CDH13: variants seen among roughly 807,000 people sequenced by gnomAD.
CDH13 encodes cadherin 13, also known as cadherin-13.
CDH13 carries 24 observed loss-of-function variants against 63.8 expected under a neutral mutation model. That is an observed-to-expected ratio of 0.38 (90% CI 0.27 to 0.53). The LOEUF (loss-of-function observed/expected upper bound fraction) is 0.53. Among genes scored for constraint, CDH13 ranks in the 20% least tolerant of loss-of-function variants. CDH13 has a pLI of 0.85. For synonymous variants in CDH13, 503 were observed against 355.3 expected, an observed-to-expected ratio of 1.42 and a Z score of -4.67; for missense variants, 1,049 against 903.1, an observed-to-expected ratio of 1.16 and a Z score of -2.07.
intron 9 of CDH13, among the ~76,000 whole-genome samples, chr16:83,676,901 G>T (rs1915000609): frequency 6.6e-6 from 1 of 152,216 alleles, no homozygotes; most frequent in African/African-American, 2.4e-5. Flanking sequence ...TCTTTCCCCA[G>T]CATCAACGGT....
intron 4 of CDH13, among the ~76,000 whole-genome samples, chr16:83,148,970 G>C (rs929181365): frequency 6.6e-6 from 1 of 152,116 alleles, no homozygotes; most frequent in African/African-American, 2.4e-5. Flanking sequence ...CACTGTTTAA[G>C]AGTAGACCCC....
chr16:83,385,855 A>G (rs368881126), intron 6 of CDH13, among the ~76,000 whole-genome samples: 7 of 152,288 alleles, frequency 4.6e-5, no homozygotes, highest in Middle Eastern at 3.4e-3. Context: ...GAAAAAACTG[A>G]CAGGCCAATG....
intron 2 of CDH13, among the ~76,000 whole-genome samples, chr16:82,957,871 CT>C (rs1175362582): frequency 6.6e-6 from 1 of 152,188 alleles, no homozygotes; most frequent in Non-Finnish European, 1.5e-5. Context: ...GTTATTGCTT[CT>C]TTTGGAGACA....
intron 7 of CDH13, among the ~76,000 whole-genome samples, chr16:83,525,857 T>C (rs1469494131): frequency 2.0e-5 from 3 of 152,308 alleles, no homozygotes; most frequent in South Asian, 2.1e-4. Flanking sequence ...AAAACAACTT[T>C]GTCCAGCACT....
intron 7 of CDH13, among the ~76,000 whole-genome samples, chr16:83,584,381 G>C (rs943612466): frequency 6.6e-6 from 1 of 152,210 alleles, no homozygotes; most frequent in African/African-American, 2.4e-5. Flanking sequence ...CATAAGCAGA[G>C]AGGAAGGGAC....
intron 6 of CDH13, among the ~76,000 whole-genome samples, chr16:83,365,544 G>A (rs950229661): frequency 2.0e-5 from 3 of 152,084 alleles, no homozygotes; most frequent in African/African-American, 7.2e-5. Context: ...CCACCTCCTG[G>A]CATTACTCCT....
chr16:82,662,519 T>C (rs1023652597), intron 1 of CDH13, among the ~76,000 whole-genome samples: 10 of 152,202 alleles, frequency 6.6e-5, no homozygotes, highest in African/African-American at 2.4e-4. Context: ...CTGAGTGAGA[T>C]TGACCAGATG....
At chr16:82,849,471 C>G (rs1257241469) in intron 1 of CDH13, among the ~76,000 whole-genome samples, 2 of 152,112 alleles carry the variant, frequency 1.3e-5, no homozygotes, top group Non-Finnish European at 2.9e-5. Flanking sequence ...CACTGCACTC[C>G]AGCCTGGTGA....
chr16:83,035,863 C>G (rs1445147135), intron 3 of CDH13, among the ~76,000 whole-genome samples: 1 of 152,166 alleles, frequency 6.6e-6, no homozygotes, highest in Non-Finnish European at 1.5e-5. Flanking sequence ...ATACATGTAG[C>G]AGTAATGTAT....
At chr16:82,923,648 A>G (rs1008978914) in intron 2 of CDH13, among the ~76,000 whole-genome samples, 15 of 152,176 alleles carry the variant, frequency 9.9e-5, no homozygotes, top group African/African-American at 3.4e-4. Context: ...CCAAAAACCT[A>G]CTTAGTAGGA....
intron 8 of CDH13, among the ~76,000 whole-genome samples, chr16:83,659,111 A>G (rs71402098): frequency 5.4e-4 from 53 of 98,174 alleles, no homozygotes; most frequent in East Asian, 2.0e-3. Flanking sequence ...CAGGTCCCAT[A>G]TCCTCACCAC....
intron 6 of CDH13, among the ~76,000 whole-genome samples, chr16:83,367,913 A>G (rs545822258): frequency 1.3e-5 from 2 of 152,218 alleles, no homozygotes; most frequent in Non-Finnish European, 2.9e-5. Flanking sequence ...CTTCCCATCC[A>G]TGAATATAGA....
chr16:82,805,931 C>T (rs2037117232), intron 1 of CDH13, among the ~76,000 whole-genome samples: 1 of 152,218 alleles, frequency 6.6e-6, no homozygotes, highest in Admixed American at 6.5e-5. Flanking sequence ...ATCACCCTTT[C>T]TACCAGTTGG....
chr16:83,470,860 G>A (rs2073435132), intron 6 of CDH13, among the ~76,000 whole-genome samples: 1 of 152,108 alleles, frequency 6.6e-6, no homozygotes, highest in African/African-American at 2.4e-5. Flanking sequence ...TTACACTTGG[G>A]TCAGAAGTCC....
At position 82,713,019 on chromosome 16, in the gene CDH13, C is replaced by G. The variant is rs566419896; in HGVS notation, c.45+85882C>G. On this transcript the variant is annotated intron_variant, in intron 1 of 13. Coordinates refer to ENST00000567109, the MANE Select transcript of CDH13 (RefSeq NM_001257.5). ...CTACTCCCTGGGTGCTTAGTTAATG[C>G]TTATGGAGTGAATAGAACCCCGGCG... 1.3e-4 allele frequency among the ~76,000 whole-genome samples: 19 copies of G among 150,466 alleles called. No homozygotes were observed. The South Asian group carries it at 4.1e-3, about 32-fold the overall frequency.
intron 7 of CDH13, among the ~76,000 whole-genome samples, chr16:83,541,939 T>G (rs139181372): frequency 1.3e-4 from 20 of 152,310 alleles, no homozygotes; most frequent in African/African-American, 4.8e-4. Context: ...TTGTACCCAT[T>G]CCCTAGCAAG....
intron 5 of CDH13, among the ~76,000 whole-genome samples, chr16:83,269,634 G>C (rs1378882669): frequency 6.6e-6 from 1 of 152,150 alleles, no homozygotes; most frequent in Non-Finnish European, 1.5e-5. Flanking sequence ...TTAGTGGGAG[G>C]TGGTAGTTGT....
intron 8 of CDH13, among the ~76,000 whole-genome samples, chr16:83,631,442 G>T (rs1910772314): frequency 6.6e-6 from 1 of 152,088 alleles, no homozygotes; most frequent in South Asian, 2.1e-4. Flanking sequence ...TGACCATCCT[G>T]TGATTTCAAA....
intron 6 of CDH13, among the ~76,000 whole-genome samples, chr16:83,375,228 G>T (rs927313075): frequency 1.3e-5 from 2 of 152,170 alleles, no homozygotes; most frequent in Non-Finnish European, 1.5e-5. Context: ...TTACATAGAA[G>T]GTTGGTTAAT....
Sources: gnomAD v4.1 joint callset for allele counts (sites outside exome capture counted in the v4.1 genomes callset) on GRCh38, gnomAD v4.1.1 for gene constraint, MANE v1.5 for transcripts, NCBI Gene and HGNC (gene_info 2026-07-23, HGNC 2026-07-21) for gene names.